CDYL: variants seen among roughly 807,000 people sequenced by gnomAD.
CDYL encodes the protein chromodomain Y-like protein.
Under a neutral mutation model 47.3 loss-of-function variants are expected in CDYL, and 8 were observed. The observed-to-expected ratio is 0.17, with a 90% CI of 0.10 to 0.31. The LOEUF (loss-of-function observed/expected upper bound fraction) is 0.31. Ranked by LOEUF, CDYL falls within the 10% of genes least tolerant of loss-of-function variation. The pLI, the probability that CDYL is intolerant of heterozygous loss-of-function variation, is 1.00. For missense variants in CDYL, 471 were observed against 701.4 expected, an observed-to-expected ratio of 0.67 and a Z score of 3.71; for synonymous variants, 266 against 265.0, an observed-to-expected ratio of 1.00 and a Z score of -0.04.
chr6:4,915,721 C>T, intron 2 of CDYL, among the ~76,000 whole-genome samples: 1 of 152,194 alleles, frequency 6.6e-6, no homozygotes, highest in East Asian at 1.9e-4. Context: ...CTGCAATGCC[C>T]CTGTAAAGCT....
At chr6:4,817,062 A>G (rs1759696643) in intron 1 of CDYL, among the ~76,000 whole-genome samples, 2 of 152,180 alleles carry the variant, frequency 1.3e-5, no homozygotes, top group Admixed American at 6.5e-5. Flanking sequence ...AAATACAACT[A>G]ATAAATATAT....
chr6:4,951,344 C>A (rs975455528), intron 5 of CDYL, among the ~76,000 whole-genome samples: 1 of 151,988 alleles, frequency 6.6e-6, no homozygotes, highest in Non-Finnish European at 1.5e-5. Flanking sequence ...CTTTATCAGA[C>A]ATGTGTGCAC....
At chr6:4,742,748 G>A (rs1276705481) in intron 3 of CDYL, among the ~76,000 whole-genome samples, 1 of 152,212 alleles carries the variant, frequency 6.6e-6, no homozygotes, top group Non-Finnish European at 1.5e-5. Flanking sequence ...TGCCCCCATG[G>A]CCTCTGGCTT....
intron 2 of CDYL, among the ~76,000 whole-genome samples, chr6:4,717,249 A>C (rs1018707781): frequency 1.3e-5 from 2 of 152,140 alleles, no homozygotes; most frequent in South Asian, 4.1e-4. Context: ...GGTTATCCTC[A>C]ATTCCCTAAT....
rs535909102 is a variant in CDYL, at chr6:4,852,494, A to G, written c.25-39219A>G. On this transcript the variant is annotated intron_variant, in intron 1 of 6. Transcript: ENST00000397588. Reference sequence around the variant, plus strand: ...AATCTTCCTTCCTTCCTTCCTTCCAATCTTCCTTCCTTCCTTCCAATCTTC... The same window carrying G: ...AATCTTCCTTCCTTCCTTCCTTCCAGTCTTCCTTCCTTCCTTCCAATCTTC... Among the ~76,000 whole-genome samples the G allele has an allele frequency of 1.5e-3, 80 of 54,594 alleles. 2 individuals are homozygous for G. Among genetic ancestry groups the G allele is most frequent in the African/African-American group, 6.0e-3 (73 of 12,108 alleles). 35.8% of individuals were successfully genotyped at this position (54,594 alleles called of 152,430 possible).
intron 3 of CDYL, among the ~76,000 whole-genome samples, chr6:4,741,166 A>G (rs1253569260): frequency 6.6e-6 from 1 of 152,174 alleles, no homozygotes; most frequent in Non-Finnish European, 1.5e-5. Context: ...ATTCTAATTC[A>G]GTCTAACCCT....
chr6:4,881,277 G>C (rs1275725975), intron 1 of CDYL, among the ~76,000 whole-genome samples: 1 of 151,686 alleles, frequency 6.6e-6, no homozygotes, highest in East Asian at 1.9e-4. Context: ...TAATATTATT[G>C]AAATTTGACA....
In CDYL at chr6:4,852,387, TTCCTTCCTTCC is replaced by T. The variant is rs1193243872; in HGVS notation, c.25-39313_25-39303del. The stretch of plus-strand genomic sequence containing the variant: ...CCTTCCTTCCTCCTTCCTTCCTATC[TTCCTTCCTTCC>T]TCCTTCCTTCCTTCCAATCTTCCTT... On this transcript the variant is annotated intron_variant, in intron 1 of 6. Transcript: ENST00000397588. 4.5e-5 allele frequency among the ~76,000 whole-genome samples: 6 copies of T among 133,628 alleles called. 1 individual carries two copies. The highest frequency in any genetic ancestry group is 1.8e-4 in the African/African-American group (5 of 27,140). The allele number at this position is 133,628 out of a possible 152,430, so 87.7% of individuals were successfully genotyped here.
intron 1 of CDYL, among the ~76,000 whole-genome samples, chr6:4,822,909 A>C (rs553485736): frequency 6.6e-6 from 1 of 152,218 alleles, no homozygotes; most frequent in South Asian, 2.1e-4. Flanking sequence ...ACCACCTTGT[A>C]AGGATAAATT....
intron 2 of CDYL, among the ~76,000 whole-genome samples, chr6:4,909,895 G>T (rs987092438): frequency 6.6e-6 from 1 of 152,018 alleles, no homozygotes; most frequent in African/African-American, 2.4e-5. Context: ...TCTTACTGTG[G>T]CCTACAGGAC....
chr6:4,911,140 A>G (rs554767160), intron 2 of CDYL, among the ~76,000 whole-genome samples: 1 of 152,344 alleles, frequency 6.6e-6, no homozygotes, highest in Non-Finnish European at 1.5e-5. Context: ...AAGGATTTTT[A>G]AGGCAGTTGA....
chr6:4,724,058 TGA>T (rs143047242), intron 2 of CDYL, among the ~76,000 whole-genome samples: 1,996 of 152,278 alleles, frequency 0.013, 36 homozygotes, highest in African/African-American at 0.044. Flanking sequence ...TGTGCGCGTT[TGA>T]GAGAGTCTTG....
intron 1 of CDYL, among the ~76,000 whole-genome samples, chr6:4,821,729 G>C (rs903225120): frequency 6.7e-6 from 1 of 150,068 alleles, no homozygotes; most frequent in Non-Finnish European, 1.5e-5. Flanking sequence ...GAGCAAGACT[G>C]TATCTCGGGG....
intron 1 of CDYL, among the ~76,000 whole-genome samples, chr6:4,781,958 A>T (rs111591035): frequency 6.6e-6 from 1 of 151,370 alleles, no homozygotes; most frequent in African/African-American, 2.4e-5. Context: ...GGATGGAGAC[A>T]GGAATCTTAT....
chr6:4,769,566 A>G (rs1758305553), intron 3 of CDYL, among the ~76,000 whole-genome samples: 1 of 152,292 alleles, frequency 6.6e-6, no homozygotes, highest in Non-Finnish European at 1.5e-5. Flanking sequence ...AAAAGTCAAA[A>G]TGTTGATCTC....
At chr6:4,894,556 T>G (rs1464884667) in intron 2 of CDYL, among the ~76,000 whole-genome samples, 2 of 152,156 alleles carry the variant, frequency 1.3e-5, no homozygotes, top group African/African-American at 4.8e-5. Flanking sequence ...CAGCTAACCA[T>G]CCATTACTAT....
At chr6:4,886,254 T>A (rs532474237) in intron 1 of CDYL, among the ~76,000 whole-genome samples, 36 of 152,346 alleles carry the variant, frequency 2.4e-4, no homozygotes, top group African/African-American at 8.4e-4. Context: ...GTTGGGTAGA[T>A]ACCTAGGAGT....
At chr6:4,878,327 G>A (rs1761672572) in intron 1 of CDYL, among the ~76,000 whole-genome samples, 1 of 151,790 alleles carries the variant, frequency 6.6e-6, no homozygotes, top group Non-Finnish European at 1.5e-5. Flanking sequence ...TCAAATGTTT[G>A]ATAGAATTCA....
intron 2 of CDYL, among the ~76,000 whole-genome samples, chr6:4,907,062 C>T (rs749227241): frequency 2.0e-5 from 3 of 152,164 alleles, no homozygotes; most frequent in Admixed American, 6.5e-5. Flanking sequence ...GTCTGTGTAA[C>T]GCTGTGACAG....
Sources: allele counts gnomAD v4.1 joint callset (sites outside exome capture counted in the v4.1 genomes callset), GRCh38; gene constraint gnomAD v4.1.1; transcripts MANE v1.5; gene names NCBI Gene and HGNC (gene_info 2026-07-23, HGNC 2026-07-21).